RBFOX1: variants seen among roughly 807,000 people sequenced by gnomAD.
The protein encoded by RBFOX1 is RNA binding fox-1 homolog 1, also known as RNA binding protein fox-1 homolog 1.
RBFOX1 carries 8 observed loss-of-function variants against 57.7 expected under a neutral mutation model. The ratio of observed to expected loss-of-function variants is 0.14; its 90% confidence interval spans 0.08 to 0.25. The LOEUF (loss-of-function observed/expected upper bound fraction) is 0.25. Among genes scored for constraint, RBFOX1 ranks in the 10% least tolerant of loss-of-function variants. The pLI, the probability that RBFOX1 is intolerant of heterozygous loss-of-function variation, is 1.00. For synonymous variants in RBFOX1, 326 were observed against 222.4 expected, an observed-to-expected ratio of 1.47 and a Z score of -4.15; for missense variants, 611 against 548.5, an observed-to-expected ratio of 1.11 and a Z score of -1.14.
chr16:5,870,205 A>C (rs2057435764), intron 4 of RBFOX1, among the ~76,000 whole-genome samples: 1 of 150,646 alleles, frequency 6.6e-6, no homozygotes, highest in South Asian at 2.1e-4. Flanking sequence ...TAAAAGTAGC[A>C]ATAGTGGTTA....
intron 3 of RBFOX1, among the ~76,000 whole-genome samples, chr16:6,945,835 G>A (rs28536492): frequency 4.9e-4 from 74 of 152,296 alleles, no homozygotes; most frequent in African/African-American, 1.6e-3. Context: ...AGGTTGCAGT[G>A]TGCTGAGATC....
intron 4 of RBFOX1, among the ~76,000 whole-genome samples, chr16:7,188,194 A>G (rs1332440082): frequency 1.3e-5 from 2 of 152,242 alleles, no homozygotes; most frequent in African/African-American, 4.8e-5. Context: ...ATACGATGGA[A>G]TGAAACACTC....
intron 1 of RBFOX1, among the ~76,000 whole-genome samples, chr16:6,151,069 A>G (rs961966081): frequency 4.6e-5 from 7 of 152,140 alleles, no homozygotes; most frequent in African/African-American, 1.7e-4. Context: ...CTAGAACGTC[A>G]GGTCTGAAGG....
chr16:7,588,599 T>C lies in RBFOX1; in HGVS notation c.468+1299T>C, dbSNP rs148691750. Among the ~76,000 whole-genome samples, 339 of 152,232 alleles carry C rather than the reference T, an allele frequency of 2.2e-3. 1 individual carries two copies. Among genetic ancestry groups the C allele is most frequent in the African/African-American group, 7.8e-3 (323 of 41,544 alleles). ...TGCATCCTCAGACTATGAATGCAAA[T>C]GTTGAGAGATAGTGATTTCAGCCCA... On this transcript the variant is annotated intron_variant, in intron 7 of 15. Coordinates refer to ENST00000550418, the MANE Select transcript of RBFOX1 (RefSeq NM_018723.4).
rs139618703 is a variant in RBFOX1 at position 5,978,276 on chromosome 16, T to C, written c.351+110941T>C. ...CTGCAGTGAGCTATGATCACACCAC[T>C]GCACTCCAGCCTGGGTGACAGAGTG... On this transcript the variant is annotated intron_variant, in intron 4 of 19. Transcript: ENST00000641259. 1.8e-4 allele frequency among the ~76,000 whole-genome samples: 27 copies of C among 151,460 alleles called. No individual in the cohort carries two copies. In the East Asian group the frequency reaches 5.3e-3, roughly 30 times the overall value.
chr16:6,472,867 C>T (rs912777104), intron 2 of RBFOX1, among the ~76,000 whole-genome samples: 1 of 152,040 alleles, frequency 6.6e-6, no homozygotes, highest in Non-Finnish European at 1.5e-5. Flanking sequence ...TTATTTGATC[C>T]ACCCACCTCG....
At chr16:7,094,394 G>A (rs962624194) in intron 4 of RBFOX1, among the ~76,000 whole-genome samples, 1 of 142,368 alleles carries the variant, frequency 7.0e-6, no homozygotes, top group African/African-American at 2.4e-5. Context: ...AGACATTCCA[G>A]GTGAAAAAAA....
chr16:5,270,471 T>A (rs995133553), intron 1 of RBFOX1: 12 of 749,112 alleles, frequency 1.6e-5, no homozygotes, highest in African/African-American at 1.2e-4. Context: ...CTGACTAACT[T>A]CTATGGCATG....
At chr16:6,967,150 C>A (rs1347165273) in intron 3 of RBFOX1, among the ~76,000 whole-genome samples, 4 of 152,120 alleles carry the variant, frequency 2.6e-5, no homozygotes, top group South Asian at 2.1e-4. Flanking sequence ...ATCCATTCAT[C>A]ATCTATCCAT....
chr16:6,567,155 A>T (rs192266600), intron 2 of RBFOX1, among the ~76,000 whole-genome samples: 1 of 152,276 alleles, frequency 6.6e-6, no homozygotes, highest in Admixed American at 6.5e-5. Context: ...GATAATGTTG[A>T]CCCAGTCTTG....
Position 7,387,287 on chromosome 16 carries a change from A to G in RBFOX1, c.28-130860A>G, listed in dbSNP as rs574058219. ...GGATTAGTAATAAATTCTATGAGCT[A>G]TGTTCTATTTTTATCCTCATTTTAT... On this transcript the variant is annotated intron_variant, in intron 4 of 15. Coordinates refer to ENST00000550418, the MANE Select transcript of RBFOX1 (RefSeq NM_018723.4). Among the ~76,000 whole-genome samples the G allele has an allele frequency of 2.6e-5, 4 of 152,218 alleles. No homozygotes were observed. In the East Asian group the frequency reaches 5.8e-4, roughly 22 times the overall value.
intron 2 of RBFOX1, among the ~76,000 whole-genome samples, chr16:6,405,534 C>T (rs2093248060): frequency 6.6e-6 from 1 of 152,140 alleles, no homozygotes; most frequent in African/African-American, 2.4e-5. Context: ...CCAGCTGATC[C>T]ATGCTTAGGC....
chr16:6,200,413 G>A (rs2097207763), intron 1 of RBFOX1, among the ~76,000 whole-genome samples: 2 of 152,092 alleles, frequency 1.3e-5, no homozygotes, highest in African/African-American at 4.8e-5. Flanking sequence ...AGAGAGAAAT[G>A]AAATCAAATG....
chr16:6,506,897 C>T (rs953655256), intron 2 of RBFOX1, among the ~76,000 whole-genome samples: 2 of 152,132 alleles, frequency 1.3e-5, no homozygotes, highest in Non-Finnish European at 2.9e-5. Flanking sequence ...ATCCACCTGC[C>T]TTGGCCTCCC....
chr16:7,224,870 T>C (rs28725483), intron 4 of RBFOX1, among the ~76,000 whole-genome samples: 8,177 of 152,212 alleles, frequency 0.054, 278 homozygotes, highest in African/African-American at 0.09. Flanking sequence ...GAATGTGCAC[T>C]TTACCACGAC....
intron 2 of RBFOX1, among the ~76,000 whole-genome samples, chr16:6,491,858 A>G (rs1191871192): frequency 6.6e-6 from 1 of 152,188 alleles, no homozygotes; most frequent in Non-Finnish European, 1.5e-5. Context: ...TTGTTCTAAC[A>G]TTGGTGAAAA....
At chr16:6,987,559 A>G (rs1254774820) in intron 3 of RBFOX1, among the ~76,000 whole-genome samples, 3 of 152,068 alleles carry the variant, frequency 2.0e-5, no homozygotes, top group Admixed American at 6.6e-5. Context: ...ACATCTATAC[A>G]TAAGCATAGG....
intron 1 of RBFOX1, among the ~76,000 whole-genome samples, chr16:6,113,031 A>G (rs890948418): frequency 4.6e-5 from 7 of 152,198 alleles, no homozygotes; most frequent in Non-Finnish European, 1.0e-4. Context: ...TCTGTGTAAC[A>G]AACCATCCTA....
intron 1 of RBFOX1, among the ~76,000 whole-genome samples, chr16:6,279,952 G>A (rs779511580): frequency 5.9e-5 from 9 of 151,966 alleles, no homozygotes; most frequent in Admixed American, 2.0e-4. Flanking sequence ...ATTTGCAGAC[G>A]ATATTAAATT....
Sources: gnomAD v4.1 joint callset for allele counts (sites outside exome capture counted in the v4.1 genomes callset) on GRCh38, gnomAD v4.1.1 for gene constraint, MANE v1.5 for transcripts, NCBI Gene and HGNC (gene_info 2026-07-23, HGNC 2026-07-21) for gene names.